COMMD10: variants seen among roughly 807,000 people sequenced by gnomAD.
COMMD10 encodes the protein COMM domain containing 10, also known as COMM domain-containing protein 10.
In COMMD10, 33 loss-of-function variants were observed where a neutral mutation model predicts 28.9. That is an observed-to-expected ratio of 1.14 (90% CI 0.87 to 1.53). The LOEUF is 1.53. Ranked by LOEUF, COMMD10 falls within the 40% of genes most tolerant of loss-of-function variation. The pLI is 0.00. For missense variants in COMMD10, 310 were observed against 233.4 expected, an observed-to-expected ratio of 1.33 and a Z score of -2.14; for synonymous variants, 110 against 81.7, an observed-to-expected ratio of 1.35 and a Z score of -1.87.
intron 5 of COMMD10, among the ~76,000 whole-genome samples, chr5:116,174,457 A>G (rs1753436962): frequency 2.6e-5 from 4 of 152,206 alleles, no homozygotes; most frequent in Admixed American, 2.6e-4. Flanking sequence ...ATTATAGTCT[A>G]CAAGGATCAC....
chr5:116,226,275 A>G (rs1749391599), intron 5 of COMMD10, among the ~76,000 whole-genome samples: 1 of 152,086 alleles, frequency 6.6e-6, no homozygotes, highest in African/African-American at 2.4e-5. Flanking sequence ...AAGTTAAACT[A>G]CTTCATCCCT....
rs192983260 is a variant in COMMD10 at position 116,085,412 on chromosome 5, T to G, written c.41+319T>G. The G allele has an allele frequency of 8.0e-5, 31 of 389,108 alleles. No homozygotes were observed. The South Asian group carries it at 8.0e-4, about 10-fold the overall frequency. The allele number at this position is 389,108 out of a possible 1,614,324, so 24.1% of individuals were successfully genotyped here. A position where few individuals can be genotyped will look rare whatever the true frequency, so the allele number is the denominator to read the frequency against. On this transcript the variant is annotated intron_variant, in intron 1 of 6. Transcript: ENST00000274458. ...TTTGGTATCAGAAGTTCCCGGGTGC[T>G]GCCTTCAGTGCTGCCGAATCACGTG...
intron 5 of COMMD10, among the ~76,000 whole-genome samples, chr5:116,256,508 G>T (rs1362125513): frequency 6.6e-6 from 1 of 151,540 alleles, no homozygotes; most frequent in African/African-American, 2.4e-5. Flanking sequence ...AATGGTTCTT[G>T]GATTTATGTT....
At position 116,265,625 on chromosome 5, in the gene COMMD10, C is replaced by G. The variant is rs191212303; in HGVS notation, c.511-25892C>G. Among the ~76,000 whole-genome samples the G allele has an allele frequency of 3.6e-4, 55 of 151,764 alleles. No individual in the cohort carries two copies. In the East Asian group the frequency reaches 8.9e-3, roughly 25 times the overall value. On this transcript the variant is annotated intron_variant, in intron 5 of 6. Transcript: ENST00000274458. ...TATTAAACATCTGTTGTATTCAAGG[C>G]CCTGGGCTACGTACATGTGGAACAT...
At chr5:116,112,116 C>T (rs1343301177) in intron 4 of COMMD10, among the ~76,000 whole-genome samples, 2 of 152,088 alleles carry the variant, frequency 1.3e-5, no homozygotes, top group Non-Finnish European at 2.9e-5. Flanking sequence ...GACAAATTCT[C>T]TTAGTATTCT....
chr5:116,284,756 C>G (rs1273396987), intron 5 of COMMD10, among the ~76,000 whole-genome samples: 1 of 151,786 alleles, frequency 6.6e-6, no homozygotes, highest in Non-Finnish European at 1.5e-5. Flanking sequence ...TCTTTTTCTT[C>G]CCTTAACAAA....
intron 5 of COMMD10, among the ~76,000 whole-genome samples, chr5:116,213,692 A>G (rs1749025822): frequency 6.6e-6 from 1 of 152,102 alleles, no homozygotes; most frequent in South Asian, 2.1e-4. Flanking sequence ...TAGTGAGGAA[A>G]AACTTAGATA....
intron 5 of COMMD10, among the ~76,000 whole-genome samples, chr5:116,191,333 C>G (rs953931717): frequency 6.6e-6 from 1 of 152,092 alleles, no homozygotes; most frequent in African/African-American, 2.4e-5. Flanking sequence ...GGAGGGCACA[C>G]TCAACAGGTG....
chr5:116,107,976 T>G (rs1326272501), intron 4 of COMMD10, among the ~76,000 whole-genome samples: 2 of 152,234 alleles, frequency 1.3e-5, no homozygotes, highest in Admixed American at 6.5e-5. Flanking sequence ...CTCCAGACCC[T>G]GTTTGCCTGG....
At chr5:116,123,892 A>G (rs1243364895) in intron 4 of COMMD10, among the ~76,000 whole-genome samples, 6 of 150,732 alleles carry the variant, frequency 4.0e-5, no homozygotes, top group African/African-American at 1.2e-4. Context: ...GGTAGTTTGC[A>G]TTTCTGTGGG....
chr5:116,099,873 C>T (rs1044420988), intron 4 of COMMD10, among the ~76,000 whole-genome samples: 4 of 151,998 alleles, frequency 2.6e-5, no homozygotes, highest in Non-Finnish European at 5.9e-5. Context: ...TTTACAAATA[C>T]AGGTTGGGTA....
chr5:116,123,636 A>C (rs1262803001), intron 4 of COMMD10, among the ~76,000 whole-genome samples: 4 of 152,154 alleles, frequency 2.6e-5, no homozygotes, highest in Admixed American at 2.6e-4. Context: ...ATAGTTTCAG[A>C]AGGAATGGTA....
intron 5 of COMMD10, among the ~76,000 whole-genome samples, chr5:116,191,897 C>G (rs993997234): frequency 2.0e-5 from 3 of 150,872 alleles, no homozygotes; most frequent in Admixed American, 6.6e-5. Flanking sequence ...GTTGCACAAC[C>G]CCCCATCCTC....
chr5:116,284,466 A>G (rs1376968066), intron 5 of COMMD10, among the ~76,000 whole-genome samples: 1 of 151,898 alleles, frequency 6.6e-6, no homozygotes, highest in East Asian at 1.9e-4. Flanking sequence ...CGTTTATGCC[A>G]TAAGGGTAAT....
chr5:116,209,167 T>A (rs1023849747), intron 5 of COMMD10, among the ~76,000 whole-genome samples: 4 of 152,164 alleles, frequency 2.6e-5, no homozygotes, highest in Admixed American at 2.6e-4. Context: ...TGCTGTACTT[T>A]GACTAATTTA....
At chr5:116,220,842 C>T (rs1251705861) in intron 5 of COMMD10, among the ~76,000 whole-genome samples, 3 of 151,860 alleles carry the variant, frequency 2.0e-5, no homozygotes, top group South Asian at 2.1e-4. Context: ...TAAATGAAAC[C>T]CTCCCTATAA....
intron 5 of COMMD10, among the ~76,000 whole-genome samples, chr5:116,197,858 C>T (rs1748569479): frequency 6.6e-6 from 1 of 152,054 alleles, no homozygotes; most frequent in Non-Finnish European, 1.5e-5. Flanking sequence ...CATGACTTGC[C>T]TAGGTTATAT....
intron 4 of COMMD10, among the ~76,000 whole-genome samples, chr5:116,133,720 A>G (rs1580475419): frequency 1.3e-5 from 2 of 152,354 alleles, no homozygotes; most frequent in South Asian, 4.1e-4. Flanking sequence ...TTTAAAAATC[A>G]TTAGTTTTAA....
intron 5 of COMMD10, among the ~76,000 whole-genome samples, chr5:116,139,983 C>T (rs1752144333): frequency 6.6e-6 from 1 of 151,816 alleles, no homozygotes; most frequent in East Asian, 1.9e-4. Context: ...ATCAGATCTC[C>T]AGACTTATTT....
Sources: gnomAD v4.1 joint callset for allele counts (sites outside exome capture counted in the v4.1 genomes callset) on GRCh38, gnomAD v4.1.1 for gene constraint, MANE v1.5 for transcripts, NCBI Gene and HGNC (gene_info 2026-07-23, HGNC 2026-07-21) for gene names.